DACH1: variants seen among roughly 807,000 people sequenced by gnomAD.
DACH1 encodes the protein dachshund family transcription factor 1, also known as dachshund homolog 1.
DACH1 carries 12 observed loss-of-function variants against 54.2 expected under a neutral mutation model. The observed-to-expected ratio is 0.22, with a 90% CI of 0.14 to 0.36. The LOEUF is 0.36. Ranked by LOEUF, DACH1 falls within the 10% of genes least tolerant of loss-of-function variation. The pLI is 1.00. For synonymous variants in DACH1, 386 were observed against 366.2 expected (o/e 1.05, Z -0.62); for missense variants, 805 against 929.8 (o/e 0.87, Z 1.75).
Position 71,718,530 on chromosome 13 carries a change from C to T in DACH1, c.849-36620G>A, listed in dbSNP as rs561193373. Among the ~76,000 whole-genome samples the T allele has an allele frequency of 3.7e-4, 55 of 148,758 alleles. 1 individual carries two copies. The South Asian group carries it at 0.01, about 28-fold the overall frequency. On this transcript the variant is annotated intron_variant, in intron 1 of 10. Coordinates refer to ENST00000613252, the MANE Select transcript of DACH1 (RefSeq NM_080759.6). ...AATCCAAAATGCAGTGAGCTATGAT[C>T]GCATCACTGCACACCATCCCGGATG... is the stretch of plus-strand genomic sequence containing the variant.
At chr13:71,689,818 C>T (rs1014700634) in intron 1 of DACH1, among the ~76,000 whole-genome samples, 2 of 152,112 alleles carry the variant, frequency 1.3e-5, no homozygotes, top group Non-Finnish European at 2.9e-5. Flanking sequence ...AAAGAGAGTT[C>T]CTGTCGTAGG....
chr13:71,467,795 G>C (rs1876725640), intron 10 of DACH1, among the ~76,000 whole-genome samples: 1 of 152,024 alleles, frequency 6.6e-6, no homozygotes. Context: ...CCAGTGCCAA[G>C]GGACTAGAGG....
chr13:71,572,365 A>G (rs938817316), intron 4 of DACH1, among the ~76,000 whole-genome samples: 3 of 152,128 alleles, frequency 2.0e-5, no homozygotes, highest in Non-Finnish European at 4.4e-5. Context: ...GAATTTATGG[A>G]AACTTCCAAT....
chr13:71,487,573 T>C (rs756795538), intron 7 of DACH1, among the ~76,000 whole-genome samples: 1 of 152,192 alleles, frequency 6.6e-6, no homozygotes, highest in South Asian at 2.1e-4. Context: ...CAAGAGTCCA[T>C]GTGTCAAACC....
intron 3 of DACH1, among the ~76,000 whole-genome samples, chr13:71,627,732 G>T (rs949131783): frequency 1.3e-5 from 2 of 151,972 alleles, no homozygotes; most frequent in Non-Finnish European, 2.9e-5. Context: ...CCTGTGTTGT[G>T]ATTATTTTTG....
intron 1 of DACH1, among the ~76,000 whole-genome samples, chr13:71,784,368 A>G (rs978674867): frequency 6.6e-6 from 1 of 152,136 alleles, no homozygotes; most frequent in Non-Finnish European, 1.5e-5. Context: ...TAGAATAAAT[A>G]TGGTGCTCAT....
chr13:71,533,558 A>G (rs1395110914), intron 6 of DACH1, among the ~76,000 whole-genome samples: 1 of 152,036 alleles, frequency 6.6e-6, no homozygotes, highest in Non-Finnish European at 1.5e-5. Flanking sequence ...AAATAATCTC[A>G]TCAAATTATT....
intron 1 of DACH1, among the ~76,000 whole-genome samples, chr13:71,834,613 C>T (rs1441258327): frequency 6.6e-6 from 1 of 151,980 alleles, no homozygotes; most frequent in East Asian, 1.9e-4. Flanking sequence ...GCTCTGTTGC[C>T]TCGCCGCACC....
chr13:71,675,033 G>A (rs1880468111), intron 2 of DACH1: 2 of 761,404 alleles, frequency 2.6e-6, no homozygotes, highest in Non-Finnish European at 4.5e-6. Flanking sequence ...CAGCCGAAGA[G>A]AAGGGGGGTA....
intron 1 of DACH1, among the ~76,000 whole-genome samples, chr13:71,856,168 G>A (rs1186210006): frequency 3.3e-5 from 5 of 151,794 alleles, no homozygotes; most frequent in East Asian, 3.9e-4. Flanking sequence ...TGACCCAGAA[G>A]GCTCCAATAT....
chr13:71,798,279 C>CAAATGAACT (rs1218329264), intron 1 of DACH1, among the ~76,000 whole-genome samples: 5 of 138,558 alleles, frequency 3.6e-5, no homozygotes, highest in Non-Finnish European at 6.2e-5. Flanking sequence ...CGGCATCAAG[C>CAAATGAACT]AAATGAACTA....
intron 1 of DACH1, among the ~76,000 whole-genome samples, chr13:71,863,882 TA>T (rs1338617742): frequency 4.7e-5 from 7 of 150,300 alleles, no homozygotes; most frequent in African/African-American, 1.7e-4. Flanking sequence ...GATGTTTGAT[TA>T]TTAAAGAGAA....
At chr13:71,512,279 T>C (rs1391352622) in intron 6 of DACH1, among the ~76,000 whole-genome samples, 1 of 151,956 alleles carries the variant, frequency 6.6e-6, no homozygotes, top group Non-Finnish European at 1.5e-5. Context: ...CTGCCTAGCC[T>C]TCTCTGCATT....
chr13:71,748,991 A>C lies in DACH1; in HGVS notation c.849-67081T>G, dbSNP rs1013271960. 2.5e-4 allele frequency among the ~76,000 whole-genome samples: 26 copies of C among 104,784 alleles called. 1 individual carries two copies. Among genetic ancestry groups the C allele is most frequent in the African/African-American group, 7.2e-4 (19 of 26,572 alleles). The allele number at this position is 104,784 out of a possible 152,430, so 68.7% of individuals were successfully genotyped here. A position where few individuals can be genotyped will look rare whatever the true frequency, so the allele number is the denominator to read the frequency against. ...CTCTCTCTCTTTCTTCTTTCCTTTT[A>C]TTTCTTTCTTTCAGATGGAATCTCA... On this transcript the variant is annotated intron_variant, in intron 1 of 10. Transcript: ENST00000613252.
At chr13:71,512,493 A>T (rs189761997) in intron 6 of DACH1, among the ~76,000 whole-genome samples, 143 of 151,958 alleles carry the variant, frequency 9.4e-4, no homozygotes, top group Non-Finnish European at 1.4e-3. Flanking sequence ...TAAAATGTCA[A>T]CTCTGAAGAC....
chr13:71,618,776 G>T (rs1265608374), intron 3 of DACH1, among the ~76,000 whole-genome samples: 1 of 151,824 alleles, frequency 6.6e-6, no homozygotes, highest in African/African-American at 2.4e-5. Context: ...AATATTACAG[G>T]TCAATGGGTT....
At chr13:71,814,527 A>G (rs995706828) in intron 1 of DACH1, among the ~76,000 whole-genome samples, 1 of 152,216 alleles carries the variant, frequency 6.6e-6, no homozygotes, top group African/African-American at 2.4e-5. Flanking sequence ...AGTTGCAGAT[A>G]ATTTAATACA....
intron 1 of DACH1, among the ~76,000 whole-genome samples, chr13:71,721,949 T>C (rs1051188548): frequency 6.6e-6 from 1 of 152,140 alleles, no homozygotes; most frequent in African/African-American, 2.4e-5. Context: ...ATTAGAATGA[T>C]ATTTATTATA....
intron 1 of DACH1, among the ~76,000 whole-genome samples, chr13:71,713,644 A>G (rs1456051413): frequency 6.6e-6 from 1 of 152,200 alleles, no homozygotes; most frequent in Non-Finnish European, 1.5e-5. Flanking sequence ...TAAAGGTATG[A>G]AGACATAATT....
Sources: gnomAD v4.1 joint callset for allele counts (sites outside exome capture counted in the v4.1 genomes callset) on GRCh38, gnomAD v4.1.1 for gene constraint, MANE v1.5 for transcripts, NCBI Gene and HGNC (gene_info 2026-07-23, HGNC 2026-07-21) for gene names.